Variants in CNTNAP5 observed in about 807,000 individuals in gnomAD.
The protein encoded by CNTNAP5 is contactin-associated protein-like 5.
CNTNAP5 carries 72 observed loss-of-function variants against 150.2 expected under a neutral mutation model. That is an observed-to-expected ratio of 0.48 (90% confidence interval 0.40 to 0.58). The LOEUF is 0.58. Among genes scored for constraint, CNTNAP5 ranks in the 20% least tolerant of loss-of-function variants. The probability of loss-of-function intolerance (pLI) is 0.00; values close to 1 mark genes in which losing one functional copy is unlikely to be tolerated. For synonymous variants in CNTNAP5, 672 were observed against 619.8 expected, an observed-to-expected ratio of 1.08 and a Z score of -1.25; for missense variants, 1,636 against 1,626.2, an observed-to-expected ratio of 1.01 and a Z score of -0.10.
Position 124,798,338 on chromosome 2 carries a change from A to G in CNTNAP5, c.3217+18A>G. On this transcript the variant is annotated intron_variant, in intron 19 of 23. Transcript: ENST00000682447. ...CAAGAATGGTGAGTGTGATGGCATG[A>G]TACCCAGCGGAGTCTCAGCCTGGGC... is the stretch of plus-strand genomic sequence containing the variant. The G allele has an allele frequency of 6.4e-7, 1 of 1,569,066 alleles. No individual in the cohort carries two copies. The highest frequency in any genetic ancestry group is 8.8e-7 in the Non-Finnish European group (1 of 1,139,184).
intron 13 of CNTNAP5, among the ~76,000 whole-genome samples, chr2:124,713,017 A>G (rs1259419826): frequency 6.6e-6 from 1 of 152,134 alleles, no homozygotes; most frequent in East Asian, 1.9e-4. Context: ...TCTTGGAGGT[A>G]AGGATTTCAA....
chr2:124,674,512 T>TTTCC (rs1304567118), intron 13 of CNTNAP5, among the ~76,000 whole-genome samples: 1 of 99,754 alleles, frequency 1.0e-5, no homozygotes, highest in Non-Finnish European at 2.2e-5. Context: ...TTTCTTTCTC[T>TTTCC]TTCTTTCTTT....
intron 1 of CNTNAP5, among the ~76,000 whole-genome samples, chr2:124,108,369 C>G (rs1056569691): frequency 6.6e-6 from 1 of 152,060 alleles, no homozygotes; most frequent in East Asian, 1.9e-4. Flanking sequence ...CAGTGTTTAC[C>G]TTTGTAATAT....
intron 8 of CNTNAP5, among the ~76,000 whole-genome samples, chr2:124,510,267 A>ATATC (rs1558933180): frequency 2.5e-4 from 30 of 121,870 alleles, no homozygotes; most frequent in African/African-American, 1.0e-3. Flanking sequence ...CTATATATCT[A>ATATC]TATATCTATA....
intron 1 of CNTNAP5, among the ~76,000 whole-genome samples, chr2:124,182,854 T>C (rs1685242191): frequency 1.3e-5 from 2 of 152,148 alleles, no homozygotes; most frequent in African/African-American, 4.8e-5. Context: ...TCAGAAGATT[T>C]GTTCCATTTT....
At chr2:124,798,417 G>A (rs182187042) in intron 19 of CNTNAP5, 97 bp downstream of exon 19, 8 of 853,074 alleles carry the variant, frequency 9.4e-6, no homozygotes, top group Non-Finnish European at 1.5e-5. Flanking sequence ...CCTCAAGTTG[G>A]TCCCATCTGG....
At chr2:124,798,013 A>G (rs1414868320) in intron 18 of CNTNAP5, 83 bp from the exon 19 acceptor site, 1 of 989,222 alleles carries the variant, frequency 1.0e-6, no homozygotes. Flanking sequence ...CCCAGTGCAT[A>G]GGAAACGAGA....
At chr2:124,451,708 T>C (rs1470279829) in intron 6 of CNTNAP5, among the ~76,000 whole-genome samples, 2 of 151,992 alleles carry the variant, frequency 1.3e-5, no homozygotes, top group Non-Finnish European at 2.9e-5. Flanking sequence ...CCCCAAATAC[T>C]GCGAGTGCCC....
intron 10 of CNTNAP5, among the ~76,000 whole-genome samples, chr2:124,540,052 T>A (rs762224351): frequency 2.0e-5 from 3 of 152,134 alleles, no homozygotes; most frequent in Non-Finnish European, 4.4e-5. Context: ...GAGAGTTAAT[T>A]GGGAGAATGC....
chr2:124,725,847 A>G (rs1309174878), intron 13 of CNTNAP5, among the ~76,000 whole-genome samples: 6 of 152,062 alleles, frequency 3.9e-5, no homozygotes, highest in Non-Finnish European at 8.8e-5. Flanking sequence ...TTTCACTAGC[A>G]TAATGTCCTC....
At chr2:124,083,960 T>C (rs1326169819) in intron 1 of CNTNAP5, among the ~76,000 whole-genome samples, 1 of 152,134 alleles carries the variant, frequency 6.6e-6, no homozygotes, top group Non-Finnish European at 1.5e-5. Context: ...GTTAAACCTG[T>C]AAATCAGGTT....
intron 13 of CNTNAP5, among the ~76,000 whole-genome samples, chr2:124,671,298 T>C (rs1198947002): frequency 6.6e-6 from 1 of 152,196 alleles, no homozygotes; most frequent in East Asian, 1.9e-4. Context: ...TATTAGAGAA[T>C]GTAATCTAAT....
At chr2:124,302,220 T>C (rs1688581341) in intron 3 of CNTNAP5, among the ~76,000 whole-genome samples, 1 of 152,244 alleles carries the variant, frequency 6.6e-6, no homozygotes, top group African/African-American at 2.4e-5. Context: ...ATAGAAATTC[T>C]AGACAACTGT....
At chr2:124,140,319 C>A (rs1684087958) in intron 1 of CNTNAP5, among the ~76,000 whole-genome samples, 2 of 151,844 alleles carry the variant, frequency 1.3e-5, no homozygotes, top group African/African-American at 4.8e-5. Context: ...CCTCTGTAGG[C>A]TCCACCTCTG....
At chr2:124,360,039 G>C (rs1246142919) in intron 3 of CNTNAP5, among the ~76,000 whole-genome samples, 3 of 135,350 alleles carry the variant, frequency 2.2e-5, no homozygotes, top group African/African-American at 8.3e-5. Context: ...TTGTTGAATT[G>C]ATCCCTTTAC....
chr2:124,410,730 G>A (rs1301570113), intron 3 of CNTNAP5, among the ~76,000 whole-genome samples: 9 of 151,720 alleles, frequency 5.9e-5, no homozygotes, highest in Admixed American at 2.6e-4. Flanking sequence ...ATTCAGAGCA[G>A]TGTGTAGAGG....
rs981910861 is a variant in CNTNAP5, at chr2:124,916,751, C to T, written c.*2463C>T. Among the ~76,000 whole-genome samples, 5 of 152,038 alleles carry T rather than the reference C, an allele frequency of 3.3e-5. No homozygotes were observed. Among genetic ancestry groups the T allele is most frequent in the Non-Finnish European group, 4.4e-5 (3 of 67,992 alleles). ...ACAAAATCAACTGGCATCTTCCTCACGTGTGTAGACTCCATGCACACTACA... is the reference window on the plus strand; with the variant it reads ...ACAAAATCAACTGGCATCTTCCTCATGTGTGTAGACTCCATGCACACTACA... On this transcript the variant is annotated 3_prime_UTR_variant, in exon 24 of 24. Coordinates refer to ENST00000682447, the MANE Select transcript of CNTNAP5 (RefSeq NM_001367498.1).
chr2:124,896,751 C>G (rs980675853), intron 21 of CNTNAP5, among the ~76,000 whole-genome samples: 5 of 151,358 alleles, frequency 3.3e-5, no homozygotes, highest in African/African-American at 1.2e-4. Context: ...GTTGGCCAGG[C>G]TGGTCTCGAA....
intron 1 of CNTNAP5, among the ~76,000 whole-genome samples, chr2:124,198,655 G>A (rs1447369652): frequency 6.6e-6 from 1 of 151,834 alleles, no homozygotes; most frequent in Non-Finnish European, 1.5e-5. Flanking sequence ...TTTACATAGG[G>A]GAATTAGTCC....
Sources: allele counts gnomAD v4.1 joint callset (sites outside exome capture counted in the v4.1 genomes callset), GRCh38; gene constraint gnomAD v4.1.1; transcripts MANE v1.5; gene names NCBI Gene and HGNC (gene_info 2026-07-23, HGNC 2026-07-21).